HMCN2: variants seen among roughly 807,000 people sequenced by gnomAD.
The protein encoded by HMCN2 is hemicentin 2.
In HMCN2, 325 loss-of-function variants were observed where a neutral mutation model predicts 377.5. The ratio of observed to expected loss-of-function variants is 0.86; its 90% CI spans 0.79 to 0.94. HMCN2 has a LOEUF of 0.94. Among genes scored for constraint, HMCN2 ranks in the 40% least tolerant of loss-of-function variants. The pLI, the probability that HMCN2 is intolerant of heterozygous loss-of-function variation, is 0.00. For missense variants in HMCN2, 4,543 were observed against 4,725.3 expected, an observed-to-expected ratio of 0.96 and a Z score of 1.13; for synonymous variants, 2,007 against 2,046.8, an observed-to-expected ratio of 0.98 and a Z score of 0.53.
rs1844533167 is a variant in HMCN2, at chr9:130,428,549, A to G, written c.14197+60A>G. On this transcript the variant is annotated intron_variant, in intron 93 of 97. Transcript: ENST00000683500. The surrounding 1 kb of genome is among the most constrained non-coding windows in gnomAD (Gnocchi z 5.0). ...CCTGGAAACCCAGAGGTTGCCAGGG[A>G]TCAGCTGACAGGGGGCTGTGTGTCA... 3 of 1,524,946 alleles carry G rather than the reference A, an allele frequency of 2.0e-6. No individual in the cohort carries two copies. The highest frequency in any genetic ancestry group is 1.2e-5 in the South Asian group (1 of 82,948). The allele number at this position is 1,524,946 out of a possible 1,614,324, so 94.5% of individuals were successfully genotyped here. A position where few individuals can be genotyped will look rare whatever the true frequency, so the allele number is the denominator to read the frequency against.
intron 22 of HMCN2, among the ~76,000 whole-genome samples, chr9:130,327,810 C>G (rs1466544649): frequency 6.6e-6 from 1 of 152,214 alleles, no homozygotes; most frequent in Non-Finnish European, 1.5e-5. Flanking sequence ...CATCACCCAG[C>G]TAGGAAAGAG....
At chr9:130,406,678 C>A (rs539313075) in intron 82 of HMCN2, 5 of 162,206 alleles carry the variant, frequency 3.1e-5, no homozygotes, top group African/African-American at 1.2e-4. Context: ...TCTGAGTCCC[C>A]AGGTGTGGAA....
At chr9:130,353,418 G>A (rs1839839916) in intron 31 of HMCN2, among the ~76,000 whole-genome samples, 1 of 152,220 alleles carries the variant, frequency 6.6e-6, no homozygotes, top group Non-Finnish European at 1.5e-5. Flanking sequence ...AGGAGTGGAA[G>A]GGCCTGTCTA....
intron 75 of HMCN2, among the ~76,000 whole-genome samples, chr9:130,399,133 G>T (rs933494752): frequency 6.6e-6 from 1 of 151,674 alleles, no homozygotes; most frequent in African/African-American, 2.4e-5. Flanking sequence ...GGTGTCTGTG[G>T]TCCCAGCTAC....
Position 130,423,157 on chromosome 9 carries a change from G to A in HMCN2, c.13381+431G>A, listed in dbSNP as rs559367115. Among the ~76,000 whole-genome samples, 3 of 152,296 alleles carry A rather than the reference G, an allele frequency of 2.0e-5. No homozygotes were observed. The East Asian group carries it at 5.8e-4, about 29-fold the overall frequency. ...GGTGACGGGAAGCGGGAAACATGGA[G>A]AATTGAATTGCCTAGAAAACCTAGA... On this transcript the variant is annotated intron_variant, in intron 87 of 97. Coordinates refer to ENST00000683500, the MANE Select transcript of HMCN2 (RefSeq NM_001291815.2). This position sits in a 1 kb window ranked among gnomAD's most constrained non-coding sequence, Gnocchi z 5.5.
In HMCN2 at chr9:130,403,235, G is replaced by A; in HGVS notation, c.11920G>A (p.Val3974Met). The change falls in exon 79 of 98, where the codon GTG becomes ATG. Residue 3974 changes from valine to methionine, a missense_variant. By Grantham distance (21) the Val-to-Met change is conservative. This residue lies in a region of HMCN2 where 1,073 missense variants were observed against 1,319.5 expected (regional missense o/e 0.81). Coordinates refer to ENST00000683500, the MANE Select transcript of HMCN2 (RefSeq NM_001291815.2). The stretch of plus-strand genomic sequence containing the variant: ...GCCGCTGCCCAGCGTGGTTCGGGCA[G>A]TGGCAGAGGAGGAGGTGCTGCTGCC... ...VKPLPSVVRAVAEEEVLLPCE... is the reference protein window; with the variant it reads ...VKPLPSVVRAMAEEEVLLPCE... The A allele has an allele frequency of 1.6e-6, 2 of 1,289,748 alleles. No individual in the cohort carries two copies. The highest frequency in any genetic ancestry group is 2.0e-6 in the Non-Finnish European group (2 of 988,794). The allele number at this position is 1,289,748 out of a possible 1,614,324, so 79.9% of individuals were successfully genotyped here. A position where few individuals can be genotyped will look rare whatever the true frequency, so the allele number is the denominator to read the frequency against.
At position 130,432,552 on chromosome 9, in the gene HMCN2, CTGGGT is replaced by C; in HGVS notation, c.14892_14894+2del. 5 of 1,550,410 alleles carry C rather than the reference CTGGGT, an allele frequency of 3.2e-6. No homozygotes were observed. Among genetic ancestry groups the C allele is most frequent in the Non-Finnish European group, 4.4e-6 (5 of 1,146,940 alleles). On this transcript the variant is annotated splice_donor_variant and coding_sequence_variant, in exon 97 of 98. Transcript: ENST00000683500. LOFTEE classifies it high-confidence loss of function. ...GCCACCTACCGGCAGGGCCCCAGCC[CTGGGT>C]AAGGGCTGAGTTGGCAGGGCCTCGT...
Position 130,358,862 on chromosome 9 carries a change from G to A in HMCN2, c.5677+376G>A, listed in dbSNP as rs189114897. 3.3e-3 allele frequency among the ~76,000 whole-genome samples: 501 copies of A among 152,248 alleles called. 6 individuals carry two copies. The highest frequency in any genetic ancestry group is 0.011 in the African/African-American group (438 of 41,552). On this transcript the variant is annotated intron_variant, in intron 36 of 97. Transcript: ENST00000683500. ...CTAATTTTTTTGTATTTTTAGTAGC[G>A]ACGGGGTTTCACCGTGTTGGCCAGG...
rs1415246232 is a variant in HMCN2 at position 130,430,356 on chromosome 9, G to A, written c.14399G>A (p.Cys4800Tyr). The change falls in exon 95 of 98, where the codon TGC (cysteine) becomes TAC (tyrosine). Residue 4800 changes from cysteine to tyrosine, a missense_variant. By Grantham distance (194) the Cys-to-Tyr change is radical (BLOSUM62 -2). Transcript: ENST00000683500. ...QCHNLQGSYR[C>Y]LCPPGQTLLR... The stretch of plus-strand genomic sequence containing the variant: ...CACAACCTCCAGGGCAGCTACCGCT[G>A]CCTGTGCCCCCCAGGCCAGACCCTC... 1.9e-6 allele frequency: 3 copies of A among 1,549,180 alleles called. No homozygotes were observed. Among genetic ancestry groups the A allele is most frequent in the East Asian group, 2.4e-5 (1 of 40,920 alleles).
At chr9:130,327,926 G>A (rs918742801) in intron 22 of HMCN2, among the ~76,000 whole-genome samples, 3 of 152,132 alleles carry the variant, frequency 2.0e-5, no homozygotes, top group Non-Finnish European at 4.4e-5. Flanking sequence ...AGCTGCTCCC[G>A]GTCCGGGATC....
intron 4 of HMCN2, 60 bp downstream of exon 4, chr9:130,286,370 G>C (rs1588173634): frequency 4.3e-6 from 2 of 460,918 alleles, no homozygotes; most frequent in South Asian, 3.1e-5. Flanking sequence ...TGAGGACACT[G>C]ACCATCCCTG....
chr9:130,384,368 G>A lies in HMCN2; in HGVS notation c.8831-5G>A. On this transcript the variant is annotated splice_polypyrimidine_tract_variant and splice_region_variant and intron_variant, in intron 57 of 97. Transcript: ENST00000683500. ...CTTTCTCTACCGTGGTGGCTGTGGGGATAGTCCCGCCACGAATCGCAGGCC... is the reference window on the plus strand; with the variant it reads ...CTTTCTCTACCGTGGTGGCTGTGGGAATAGTCCCGCCACGAATCGCAGGCC... The A allele has an allele frequency of 1.5e-6, 2 of 1,293,674 alleles. No homozygotes were observed. The highest frequency in any genetic ancestry group is 1.0e-6 in the Non-Finnish European group (1 of 982,598). The allele number at this position is 1,293,674 out of a possible 1,614,324, so 80.1% of individuals were successfully genotyped here. A position where few individuals can be genotyped will look rare whatever the true frequency, so the allele number is the denominator to read the frequency against.
At chr9:130,292,906 G>A (rs1350450334) in intron 4 of HMCN2, among the ~76,000 whole-genome samples, 7 of 152,110 alleles carry the variant, frequency 4.6e-5, no homozygotes, top group Admixed American at 4.6e-4. Flanking sequence ...GGTACTGGTG[G>A]TGATCATTGT....
At chr9:130,315,901 C>T (rs1282355105) in intron 15 of HMCN2, among the ~76,000 whole-genome samples, 2 of 152,200 alleles carry the variant, frequency 1.3e-5, no homozygotes, top group African/African-American at 4.8e-5. Context: ...GCCTCACTCT[C>T]ATGACTTACC....
At chr9:130,318,975 G>T (rs1837708351) in intron 15 of HMCN2, among the ~76,000 whole-genome samples, 2 of 152,186 alleles carry the variant, frequency 1.3e-5, no homozygotes, top group Non-Finnish European at 2.9e-5. Flanking sequence ...AGGCCCCCCA[G>T]GCCATGCTCC....
chr9:130,362,829 G>T lies in HMCN2; in HGVS notation c.6109-38G>T, dbSNP rs1257250401. 4 of 985,708 alleles carry T rather than the reference G, an allele frequency of 4.1e-6. No individual in the cohort carries two copies. In the South Asian group the frequency reaches 1.9e-4, roughly 46 times the overall value. 61.1% of individuals were successfully genotyped at this position (985,708 alleles called of 1,614,324 possible). On this transcript the variant is annotated intron_variant, in intron 39 of 97. Coordinates refer to ENST00000683500, the MANE Select transcript of HMCN2 (RefSeq NM_001291815.2). Reference sequence around the variant, plus strand: ...TGCCCCTTGGGGCCTGCAACAGCAGGACAGTTGCCTAATTTGGGCTTCCCC... The same window carrying T: ...TGCCCCTTGGGGCCTGCAACAGCAGTACAGTTGCCTAATTTGGGCTTCCCC...
intron 12 of HMCN2, 84 bp downstream of exon 12, chr9:130,306,354 T>C (rs1554936766): frequency 2.3e-6 from 1 of 438,422 alleles, no homozygotes; most frequent in East Asian, 7.2e-5. Flanking sequence ...TTGGCCTTCC[T>C]ATCTGTAAAT....
In HMCN2 at chr9:130,430,458, T is replaced by G. The variant is rs1454484309; in HGVS notation, c.14501T>G (p.Leu4834Arg). 6.4e-7 allele frequency: 1 copy of G among 1,550,588 alleles called. No individual in the cohort carries two copies. The highest frequency in any genetic ancestry group is 2.0e-5 in the Admixed American group (1 of 51,012). ...NVTTVSHRGPLLPWLRPWASI... is the reference protein window; with the variant it reads ...NVTTVSHRGPRLPWLRPWASI... Reference sequence around the variant, plus strand: ...ACCACCGTCAGCCACCGAGGCCCTCTATTGCCCTGGCTGCGGCCCTGGGCC... The same window carrying G: ...ACCACCGTCAGCCACCGAGGCCCTCGATTGCCCTGGCTGCGGCCCTGGGCC... Residue 4834 changes from leucine to arginine, a missense_variant, in exon 95 of 98, where the codon CTA (leucine) becomes CGA (arginine). Leu to Arg is a moderately radical substitution (Grantham distance 102). Coordinates refer to ENST00000683500, the MANE Select transcript of HMCN2 (RefSeq NM_001291815.2).
At chr9:130,430,163 G>A in intron 94 of HMCN2, 121 bp from the exon 95 acceptor site, 1 of 824,522 alleles carries the variant, frequency 1.2e-6, no homozygotes, top group Non-Finnish European at 1.9e-6. Flanking sequence ...CTCACATGCA[G>A]CATGGGAGTG....
Sources: gnomAD v4.1 joint callset for allele counts (sites outside exome capture counted in the v4.1 genomes callset) on GRCh38, gnomAD v4.1.1 for gene constraint, gnomAD v4.1.1 regional missense constraint, Gnocchi (gnomAD v3.1) non-coding constraint, MANE v1.5 for transcripts, NCBI Gene and HGNC (gene_info 2026-07-23, HGNC 2026-07-21) for gene names.